The following TAOK3 variants were observed in gnomAD, a reference collection of about 807,000 sequenced individuals.
The protein encoded by TAOK3 is serine/threonine-protein kinase TAO3.
In TAOK3, 40 loss-of-function variants were observed where a neutral mutation model predicts 120.4. The ratio of observed to expected loss-of-function variants is 0.33; its 90% CI spans 0.26 to 0.43. The LOEUF is 0.43. Among genes scored for constraint, TAOK3 ranks in the 20% least tolerant of loss-of-function variants. The pLI is 1.00. For synonymous variants in TAOK3, 355 were observed against 387.5 expected (o/e 0.92, Z 0.99); for missense variants, 821 against 1,112.1 (o/e 0.74, Z 3.72).
chr12:118,181,006 G>A lies in TAOK3; in HGVS notation c.1566+365C>T, dbSNP rs574812332. Among the ~76,000 whole-genome samples, 68 of 151,876 alleles carry A rather than the reference G, an allele frequency of 4.5e-4. 1 individual carries two copies. Among genetic ancestry groups the A allele is most frequent in the African/African-American group, 1.5e-3 (63 of 41,404 alleles). On this transcript the variant is annotated intron_variant, in intron 15 of 20. Coordinates refer to ENST00000392533, the MANE Select transcript of TAOK3 (RefSeq NM_016281.4). ...ATTACAGGCATGTGCCACCATGCCC[G>A]GCTAATTTTTGTATTTTTAGAAGAG...
chr12:118,274,380 A>G (rs1403160381), intron 1 of TAOK3, among the ~76,000 whole-genome samples: 1 of 152,206 alleles, frequency 6.6e-6, no homozygotes, highest in Non-Finnish European at 1.5e-5. Context: ...AATAATGCAG[A>G]AGTAGCTGGG....
intron 6 of TAOK3, 94 bp from the exon 7 acceptor site, chr12:118,238,263 T>C: frequency 1.6e-6 from 1 of 636,348 alleles, no homozygotes; most frequent in Non-Finnish European, 2.7e-6. Flanking sequence ...TTACATACTT[T>C]CTCACATGAC....
chr12:118,163,985 T>A (rs1039834236), intron 17 of TAOK3, among the ~76,000 whole-genome samples: 7 of 151,848 alleles, frequency 4.6e-5, no homozygotes, highest in African/African-American at 1.7e-4. Flanking sequence ...GTGGTAGGAT[T>A]ACAGGCGTGA....
At chr12:118,204,199 A>AGAGGTTGCAGTGAGCC (rs1197522262) in intron 11 of TAOK3, among the ~76,000 whole-genome samples, 1 of 151,584 alleles carries the variant, frequency 6.6e-6, no homozygotes, top group Non-Finnish European at 1.5e-5. Flanking sequence ...TCTGGGAGGC[A>AGAGGTTGCAGTGAGCC]GAGGTTGCAG....
chr12:118,164,616 C>T (rs1439613974), intron 17 of TAOK3, among the ~76,000 whole-genome samples: 1 of 151,938 alleles, frequency 6.6e-6, no homozygotes, highest in Non-Finnish European at 1.5e-5. Flanking sequence ...TGGGGTTTCA[C>T]CATGTTGGCC....
At chr12:118,224,042 A>G (rs1696403655) in intron 9 of TAOK3, among the ~76,000 whole-genome samples, 1 of 152,254 alleles carries the variant, frequency 6.6e-6, no homozygotes, top group South Asian at 2.1e-4. Flanking sequence ...CCAGGCACTC[A>G]CTGCCTTAGG....
At chr12:118,361,146 T>C (rs1287611385) in intron 1 of TAOK3, among the ~76,000 whole-genome samples, 1 of 152,226 alleles carries the variant, frequency 6.6e-6, no homozygotes, top group Non-Finnish European at 1.5e-5. Flanking sequence ...AAATTTTTTC[T>C]CAAGGGATAA....
In TAOK3 at chr12:118,187,405, TA is replaced by T. The variant is rs2037140774; in HGVS notation, c.1329+2401del. Among the ~76,000 whole-genome samples, 4 of 152,272 alleles carry T rather than the reference TA, an allele frequency of 2.6e-5. No individual in the cohort carries two copies. In the South Asian group the frequency reaches 8.3e-4, roughly 32 times the overall value. On this transcript the variant is annotated intron_variant, in intron 14 of 20. Coordinates refer to ENST00000392533, the MANE Select transcript of TAOK3 (RefSeq NM_016281.4). ...ATAAAACACAACAGAATTCATAATA[TA>T]TTTTTAAAAATTAAATATTTTATGA...
intron 10 of TAOK3, among the ~76,000 whole-genome samples, chr12:118,213,556 AG>A (rs2038734056): frequency 6.6e-6 from 1 of 152,178 alleles, no homozygotes; most frequent in African/African-American, 2.4e-5. Context: ...CTTTTCAGCA[AG>A]GAACACTGTA....
At chr12:118,217,811 G>GTGTATATATA (rs1353848789) in intron 9 of TAOK3, among the ~76,000 whole-genome samples, 2 of 75,402 alleles carry the variant, frequency 2.7e-5, no homozygotes, top group South Asian at 4.9e-4. Context: ...GTGTGTGTGT[G>GTGTATATATA]TATACATATA....
At chr12:118,226,277 G>A (rs2039501009) in intron 9 of TAOK3, among the ~76,000 whole-genome samples, 1 of 152,232 alleles carries the variant, frequency 6.6e-6, no homozygotes, top group Non-Finnish European at 1.5e-5. Context: ...TCAGGAGGCT[G>A]AGGCAGCAGA....
chr12:118,199,028 G>GT (rs1379510736), intron 13 of TAOK3, 23 bp downstream of exon 13: 2 of 1,613,586 alleles, frequency 1.2e-6, no homozygotes, highest in Non-Finnish European at 1.7e-6. Flanking sequence ...GCTCACCTCT[G>GT]TGGAGGGTAC....
intron 1 of TAOK3, among the ~76,000 whole-genome samples, chr12:118,323,043 T>C (rs1316093298): frequency 6.6e-6 from 1 of 152,034 alleles, no homozygotes; most frequent in East Asian, 1.9e-4. Context: ...CAGGTTATAC[T>C]AAAACAGGCA....
chr12:118,320,416 A>G (rs1249912959), intron 1 of TAOK3, among the ~76,000 whole-genome samples: 1 of 152,034 alleles, frequency 6.6e-6, no homozygotes, highest in African/African-American at 2.4e-5. Flanking sequence ...ACGTAGCAAG[A>G]CATCATTTCT....
At chr12:118,314,326 AT>A (rs1186441301) in intron 1 of TAOK3, among the ~76,000 whole-genome samples, 1 of 152,182 alleles carries the variant, frequency 6.6e-6, no homozygotes, top group Non-Finnish European at 1.5e-5. Flanking sequence ...CTTATTTTGC[AT>A]TTTAAAATAT....
intron 1 of TAOK3, among the ~76,000 whole-genome samples, chr12:118,319,015 G>GA (rs1472007875): frequency 2.0e-5 from 3 of 151,648 alleles, no homozygotes; most frequent in African/African-American, 2.4e-5. Context: ...TGTGGTATCT[G>GA]AAAAAAAACA....
intron 13 of TAOK3, among the ~76,000 whole-genome samples, chr12:118,191,460 A>G (rs768941803): frequency 6.6e-6 from 1 of 152,260 alleles, no homozygotes; most frequent in Non-Finnish European, 1.5e-5. Flanking sequence ...TAAAAATTAA[A>G]TTCAATTAAA....
intron 9 of TAOK3, among the ~76,000 whole-genome samples, chr12:118,227,679 G>A (rs2039572863): frequency 6.6e-6 from 1 of 152,128 alleles, no homozygotes; most frequent in Non-Finnish European, 1.5e-5. Context: ...AATGATCCAT[G>A]ATCACACAGT....
intron 11 of TAOK3, among the ~76,000 whole-genome samples, chr12:118,202,921 A>C (rs1186002131): frequency 6.6e-6 from 1 of 151,818 alleles, no homozygotes; most frequent in Non-Finnish European, 1.5e-5. Context: ...CTGGAATTAC[A>C]GGCATGCACC....
Sources: allele counts gnomAD v4.1 joint callset (sites outside exome capture counted in the v4.1 genomes callset), GRCh38; gene constraint gnomAD v4.1.1; transcripts MANE v1.5; gene names NCBI Gene and HGNC (gene_info 2026-07-23, HGNC 2026-07-21).